The following PRTFDC1 variants were observed in gnomAD, a reference collection of about 807,000 sequenced individuals.
The protein encoded by PRTFDC1 is phosphoribosyl transferase domain containing 1.
Under a neutral mutation model 34.6 loss-of-function variants are expected in PRTFDC1, and 38 were observed. The observed-to-expected ratio is 1.10, with a 90% CI of 0.85 to 1.44. The LOEUF (loss-of-function observed/expected upper bound fraction) is 1.44. Ranked by LOEUF, PRTFDC1 falls within the 40% of genes most tolerant of loss-of-function variation. PRTFDC1 has a pLI of 0.00. For missense variants in PRTFDC1, 270 were observed against 283.0 expected (o/e 0.95, Z 0.33); for synonymous variants, 93 against 98.1 (o/e 0.95, Z 0.31).
rs1014900675 is a variant in PRTFDC1 at position 24,885,982 on chromosome 10, T to C, written c.340-13919A>G. 2.0e-5 allele frequency among the ~76,000 whole-genome samples: 3 copies of C among 152,104 alleles called. No individual in the cohort carries two copies. In the East Asian group the frequency reaches 5.8e-4, roughly 29 times the overall value. On this transcript the variant is annotated intron_variant, in intron 3 of 8. Transcript: ENST00000320152. The stretch of plus-strand genomic sequence containing the variant: ...AAAAAGATCAGTGGTCAACAGGGGT[T>C]AGGTGGGAGGCAGGGAGAAAGAGGA...
chr10:24,919,990 T>A (rs1848758546), intron 3 of PRTFDC1, among the ~76,000 whole-genome samples: 1 of 152,134 alleles, frequency 6.6e-6, no homozygotes, highest in Non-Finnish European at 1.5e-5. Context: ...CTGGTGAGGC[T>A]ATGGAGAAAT....
At chr10:24,913,168 G>A (rs1361690296) in intron 3 of PRTFDC1, among the ~76,000 whole-genome samples, 1 of 152,198 alleles carries the variant, frequency 6.6e-6, no homozygotes, top group African/African-American at 2.4e-5. Context: ...CACTAGGGCT[G>A]CCCAGCTTTC....
intron 3 of PRTFDC1, among the ~76,000 whole-genome samples, chr10:24,874,526 A>C (rs2132515571): frequency 6.6e-6 from 1 of 152,332 alleles, no homozygotes; most frequent in African/African-American, 2.4e-5. Context: ...TAAACTACAA[A>C]GTTTAATGTA....
intron 2 of PRTFDC1, among the ~76,000 whole-genome samples, chr10:24,940,563 G>T (rs1356353786): frequency 6.6e-6 from 1 of 152,190 alleles, no homozygotes; most frequent in Admixed American, 6.5e-5. Flanking sequence ...TTCAATGTTG[G>T]CAAGTATGTG....
intron 3 of PRTFDC1, among the ~76,000 whole-genome samples, chr10:24,881,646 G>A (rs1848081039): frequency 6.6e-6 from 1 of 152,138 alleles, no homozygotes; most frequent in Non-Finnish European, 1.5e-5. Context: ...ATTTAATAAA[G>A]AATTCACTAC....
intron 3 of PRTFDC1, among the ~76,000 whole-genome samples, chr10:24,880,813 C>CTCTTTCTTTCTTTCTTTCTTTTCTTTCTT (rs1848055826): frequency 8.7e-6 from 1 of 114,928 alleles, no homozygotes; most frequent in East Asian, 2.7e-4. Context: ...TACTGTCTTT[C>CTCTTTCTTTCTTTCTTTCTTTTCTTTCTT]TCTTTCTTTC....
rs939944515 is a variant in PRTFDC1 at position 24,879,095 on chromosome 10, T to C, written c.340-7032A>G. 2.0e-5 allele frequency among the ~76,000 whole-genome samples: 3 copies of C among 152,168 alleles called. No individual in the cohort carries two copies. In the East Asian group the frequency reaches 5.8e-4, roughly 29 times the overall value. ...TCCTAATTAAAATGTTGCAACTGGC[T>C]CGAATTGATTTTTTTCAAAACTCTG... On this transcript the variant is annotated intron_variant, in intron 3 of 8. Transcript: ENST00000320152.
intron 1 of PRTFDC1, among the ~76,000 whole-genome samples, chr10:24,949,118 C>T (rs1308731982): frequency 1.3e-5 from 2 of 152,116 alleles, no homozygotes; most frequent in African/African-American, 4.8e-5. Flanking sequence ...CAGATGGGGT[C>T]TCACTCTGAC....
intron 6 of PRTFDC1, among the ~76,000 whole-genome samples, chr10:24,855,961 A>G (rs1847566272): frequency 6.6e-6 from 1 of 151,768 alleles, no homozygotes; most frequent in African/African-American, 2.4e-5. Context: ...TAAAAATACA[A>G]AAATTGGCTG....
rs753616786 is a variant in PRTFDC1 at position 24,937,168 on chromosome 10, A to G, written c.339+16T>C. On this transcript the variant is annotated intron_variant, in intron 3 of 8. Coordinates refer to ENST00000320152, the MANE Select transcript of PRTFDC1 (RefSeq NM_020200.7). ...GTTAAATGAAATGTCATAAAGCGGA[A>G]CTTGTAATAACTTACCCTGTAACTT... 7 of 1,584,690 alleles carry G rather than the reference A, an allele frequency of 4.4e-6. No homozygotes were observed. In the Admixed American group the frequency reaches 8.6e-5, roughly 19 times the overall value.
At chr10:24,925,484 TAAAC>T (rs1018437630) in intron 3 of PRTFDC1, among the ~76,000 whole-genome samples, 1 of 152,146 alleles carries the variant, frequency 6.6e-6, no homozygotes, top group Non-Finnish European at 1.5e-5. Flanking sequence ...AAAAAATAAA[TAAAC>T]CTCTTTCCTT....
chr10:24,903,622 G>A (rs1025739187), intron 3 of PRTFDC1, among the ~76,000 whole-genome samples: 1 of 152,092 alleles, frequency 6.6e-6, no homozygotes, highest in African/African-American at 2.4e-5. Flanking sequence ...GCTGGCTTGG[G>A]CAGAGCCAGG....
At chr10:24,912,268 C>CAAAAAAAAAAAAAAAAAAAAAAAA (rs58294462) in intron 3 of PRTFDC1, among the ~76,000 whole-genome samples, 1 of 53,940 alleles carries the variant, frequency 1.9e-5, no homozygotes, top group Non-Finnish European at 3.2e-5. Context: ...GACTTCATCT[C>CAAAAAAAAAAAAAAAAAAAAAAAA]AAAAAAAAAA....
chr10:24,870,786 G>A (rs2132509947), intron 4 of PRTFDC1, among the ~76,000 whole-genome samples: 1 of 152,156 alleles, frequency 6.6e-6, no homozygotes, highest in African/African-American at 2.4e-5. Context: ...CAGAGTAGAG[G>A]GAAGTGCACT....
At chr10:24,895,688 GATATATATATATATATATATATATAT>G (rs762084915) in intron 3 of PRTFDC1, among the ~76,000 whole-genome samples, 16 of 47,410 alleles carry the variant, frequency 3.4e-4, no homozygotes, top group Middle Eastern at 0.018. Flanking sequence ...AGCTGGGGTG[GATATATATATATATATATATATATAT>G]ATATATATAT....
At chr10:24,880,816 TTTC>T (rs1565264426) in intron 3 of PRTFDC1, among the ~76,000 whole-genome samples, 1 of 55,116 alleles carries the variant, frequency 1.8e-5, no homozygotes, top group African/African-American at 8.7e-5. Context: ...TGTCTTTCTC[TTTC>T]TTTCTTTCTT....
At chr10:24,892,298 T>C (rs1565268290) in intron 3 of PRTFDC1, among the ~76,000 whole-genome samples, 1 of 152,208 alleles carries the variant, frequency 6.6e-6, no homozygotes, top group African/African-American at 2.4e-5. Flanking sequence ...AGTAGTTGTA[T>C]TTTTAATTTT....
intron 4 of PRTFDC1, among the ~76,000 whole-genome samples, chr10:24,861,836 C>T (rs913483270): frequency 1.3e-5 from 2 of 151,886 alleles, no homozygotes; most frequent in South Asian, 2.1e-4. Context: ...GACAGGATCT[C>T]GATCATAGCT....
chr10:24,879,599 C>A (rs1435444593), intron 3 of PRTFDC1, among the ~76,000 whole-genome samples: 2 of 152,066 alleles, frequency 1.3e-5, no homozygotes, highest in African/African-American at 4.8e-5. Context: ...CTGCCCGCCT[C>A]GGCCTCCCAA....
Sources: gnomAD v4.1 joint callset for allele counts (sites outside exome capture counted in the v4.1 genomes callset) on GRCh38, gnomAD v4.1.1 for gene constraint, MANE v1.5 for transcripts, NCBI Gene and HGNC (gene_info 2026-07-23, HGNC 2026-07-21) for gene names.